Variants in POU2AF2 observed in about 807,000 individuals in gnomAD.
The protein encoded by POU2AF2 is POU domain class 2-associating factor 2.
chr11:111,251,874 A>G, the POU2AF2 span, among the ~76,000 whole-genome samples: 2 of 152,268 alleles, frequency 1.3e-5, no homozygotes, highest in Non-Finnish European at 2.9e-5. Flanking sequence ...CAACTGGTAC[A>G]TAAGACTGAT....
At chr11:111,268,852 T>C in the POU2AF2 span, among the ~76,000 whole-genome samples, 1 of 152,004 alleles carries the variant, frequency 6.6e-6, no homozygotes, top group East Asian at 1.9e-4. Flanking sequence ...CCAGCCTCTT[T>C]ACTTTTCTTT....
the POU2AF2 span, among the ~76,000 whole-genome samples, chr11:111,266,156 C>G: frequency 3.3e-5 from 5 of 152,082 alleles, no homozygotes; most frequent in Non-Finnish European, 7.4e-5. Flanking sequence ...ATATTTTGAT[C>G]AGGATTTGCC....
At chr11:111,278,256 G>A in the POU2AF2 span, among the ~76,000 whole-genome samples, 1 of 152,220 alleles carries the variant, frequency 6.6e-6, no homozygotes, top group East Asian at 1.9e-4. Flanking sequence ...GCTAATAAGA[G>A]GTAGAGCTGG....
At chr11:111,268,474 C>CTTTTTTTTTTTTTTTTTTTTTTT in the POU2AF2 span, among the ~76,000 whole-genome samples, 1 of 70,794 alleles carries the variant, frequency 1.4e-5, no homozygotes. Context: ...CTACATTTTT[C>CTTTTTTTTTTTTTTTTTTTTTTT]TTTTTTTATT....
the POU2AF2 span, among the ~76,000 whole-genome samples, chr11:111,259,360 G>C: frequency 6.8e-6 from 1 of 147,596 alleles, no homozygotes; most frequent in African/African-American, 2.5e-5. Context: ...CTGTCGGCCA[G>C]GCTGGAGTGC....
the POU2AF2 span, among the ~76,000 whole-genome samples, chr11:111,264,491 C>CGAAAGAAAGAAA: frequency 9.3e-5 from 8 of 86,060 alleles, no homozygotes; most frequent in East Asian, 3.6e-4. Context: ...GCAAGACTCA[C>CGAAAGAAAGAAA]GAAAGAAAGA....
the POU2AF2 span, chr11:111,245,986 T>C: frequency 2.6e-6 from 1 of 391,354 alleles, no homozygotes; most frequent in African/African-American, 2.1e-5. Flanking sequence ...GCATAGAACA[T>C]ATAAAAATAT....
At chr11:111,267,085 G>A in the POU2AF2 span, among the ~76,000 whole-genome samples, 1 of 152,142 alleles carries the variant, frequency 6.6e-6, no homozygotes, top group African/African-American at 2.4e-5. Flanking sequence ...TTCAAGAGAT[G>A]ATGCCACACC....
chr11:111,280,422 C>T, the POU2AF2 span, among the ~76,000 whole-genome samples: 1 of 152,148 alleles, frequency 6.6e-6, no homozygotes, highest in Non-Finnish European at 1.5e-5. Context: ...TAACTGCAGT[C>T]TGAACATACT....
At chr11:111,256,486 G>T in the POU2AF2 span, among the ~76,000 whole-genome samples, 2 of 152,208 alleles carry the variant, frequency 1.3e-5, no homozygotes, top group Admixed American at 1.3e-4. Context: ...GTCAATAAAT[G>T]CTGGTGCTCC....
At chr11:111,248,700 A>G in the POU2AF2 span, among the ~76,000 whole-genome samples, 2 of 152,082 alleles carry the variant, frequency 1.3e-5, no homozygotes, top group Admixed American at 1.3e-4. Flanking sequence ...CCTTACGTAA[A>G]GTCACAAAAA....
At chr11:111,246,803 A>G in the POU2AF2 span, among the ~76,000 whole-genome samples, 1 of 152,188 alleles carries the variant, frequency 6.6e-6, no homozygotes, top group African/African-American at 2.4e-5. Context: ...CATGTCACTT[A>G]GTTACTTTTT....
chr11:111,252,942 T>C, the POU2AF2 span, among the ~76,000 whole-genome samples: 1 of 152,224 alleles, frequency 6.6e-6, no homozygotes, highest in African/African-American at 2.4e-5. Flanking sequence ...CCCGCACTTC[T>C]GAGTTATTCT....
chr11:111,268,532 ATT>A, the POU2AF2 span, among the ~76,000 whole-genome samples: 63 of 107,252 alleles, frequency 5.9e-4, no homozygotes, highest in African/African-American at 1.9e-3. Flanking sequence ...ATTTTATTTT[ATT>A]TTATTTTATT....
the POU2AF2 span, among the ~76,000 whole-genome samples, chr11:111,280,057 A>AAAAAATATAT: frequency 6.5e-5 from 5 of 76,498 alleles, no homozygotes; most frequent in African/African-American, 2.5e-4. Flanking sequence ...AAAAAAAAAA[A>AAAAAATATAT]ATATATATAT....
the POU2AF2 span, among the ~76,000 whole-genome samples, chr11:111,270,805 C>T: frequency 6.6e-6 from 1 of 152,096 alleles, no homozygotes; most frequent in Admixed American, 6.6e-5. Flanking sequence ...AGAGTATCAG[C>T]CCTTGTTGAT....
At chr11:111,285,133 T>A in the POU2AF2 span, among the ~76,000 whole-genome samples, 5 of 152,220 alleles carry the variant, frequency 3.3e-5, no homozygotes, top group Non-Finnish European at 5.9e-5. Flanking sequence ...GAGCCACGAA[T>A]GAATCCAAAT....
chr11:111,270,537 A>G, the POU2AF2 span, among the ~76,000 whole-genome samples: 2 of 152,220 alleles, frequency 1.3e-5, 1 homozygote, highest in South Asian at 4.1e-4. Flanking sequence ...TTTTGAGGAT[A>G]TATGTTTCAA....
the POU2AF2 span, among the ~76,000 whole-genome samples, chr11:111,274,722 A>G: frequency 6.6e-6 from 1 of 151,408 alleles, no homozygotes; most frequent in Non-Finnish European, 1.5e-5. Flanking sequence ...GATGTCCCTA[A>G]GTCTCCATTA....
Sources: gnomAD v4.1 joint callset for allele counts (sites outside exome capture counted in the v4.1 genomes callset) on GRCh38, gnomAD v4.1.1 for gene constraint, MANE v1.5 for transcripts, NCBI Gene and HGNC (gene_info 2026-07-23, HGNC 2026-07-21) for gene names.